ALK: variants seen among roughly 807,000 people sequenced by gnomAD.
ALK encodes the protein ALK tyrosine kinase receptor.
In ALK, 74 loss-of-function variants were observed where a neutral mutation model predicts 163.1. The observed-to-expected ratio is 0.45, with a 90% CI of 0.38 to 0.55. The LOEUF is 0.55. ALK is among the 20% of genes least tolerant of loss of function. The pLI is 0.00. For missense variants in ALK, 2,063 were observed against 2,105.3 expected (o/e 0.98, Z 0.39); for synonymous variants, 960 against 843.2 (o/e 1.14, Z -2.40).
Position 29,560,693 on chromosome 2 carries a change from C to G in ALK, c.953-28577G>C, listed in dbSNP as rs113204175. ...TTCAAACTATCCTCCCACCTCAGCC[C>G]GTTGAGTAGCTGGGACTACAGGTGT... On this transcript the variant is annotated intron_variant, in intron 3 of 28. Coordinates refer to ENST00000389048, the MANE Select transcript of ALK (RefSeq NM_004304.5). Among the ~76,000 whole-genome samples, 1,410 of 151,996 alleles carry G rather than the reference C, an allele frequency of 9.3e-3. 21 individuals are homozygous for G. Among genetic ancestry groups the G allele is most frequent in the African/African-American group, 0.032 (1,331 of 41,484 alleles).
chr2:29,621,810 C>T (rs1001300366), intron 3 of ALK, among the ~76,000 whole-genome samples: 3 of 152,128 alleles, frequency 2.0e-5, no homozygotes, highest in African/African-American at 7.2e-5. Context: ...TAACCAATCG[C>T]CAGCATCATT....
intron 4 of ALK, among the ~76,000 whole-genome samples, chr2:29,525,299 A>G (rs182641459): frequency 1.0e-3 from 155 of 152,314 alleles, no homozygotes; most frequent in African/African-American, 3.5e-3. Flanking sequence ...CAAGTCTTTA[A>G]GCTTTCTTTT....
rs1466757284 is a variant in ALK at position 29,787,085 on chromosome 2, A to G, written c.668-69388T>C. Among the ~76,000 whole-genome samples the G allele has an allele frequency of 5.3e-5, 8 of 151,968 alleles. No individual in the cohort carries two copies. In the South Asian group the frequency reaches 1.2e-3, roughly 24 times the overall value. Reference sequence around the variant, plus strand: ...GCTGGGATTACAGGCATGAGCCACCATGCCCGGCCTTCCCTGGGAGTTTTT... The same window carrying G: ...GCTGGGATTACAGGCATGAGCCACCGTGCCCGGCCTTCCCTGGGAGTTTTT... On this transcript the variant is annotated intron_variant, in intron 1 of 28. Transcript: ENST00000389048.
intron 5 of ALK, among the ~76,000 whole-genome samples, chr2:29,376,087 C>G (rs1384949436): frequency 6.6e-6 from 1 of 151,980 alleles, no homozygotes; most frequent in Non-Finnish European, 1.5e-5. Flanking sequence ...CCAAGATAAC[C>G]TCTCCTCCGT....
At chr2:29,236,648 C>G (rs961109370) in intron 13 of ALK, among the ~76,000 whole-genome samples, 4 of 152,130 alleles carry the variant, frequency 2.6e-5, no homozygotes, top group Non-Finnish European at 4.4e-5. Context: ...AGCTGCCGCC[C>G]TTTCCTCACA....
At chr2:29,460,993 CAAAT>C (rs1251785326) in intron 4 of ALK, among the ~76,000 whole-genome samples, 1 of 152,118 alleles carries the variant, frequency 6.6e-6, no homozygotes, top group African/African-American at 2.4e-5. Context: ...AGGGAGCACA[CAAAT>C]GATAAGAAAA....
rs146048663 is a variant in ALK at position 29,898,482 on chromosome 2, G to C, written c.667+21511C>G. 2.4e-4 allele frequency among the ~76,000 whole-genome samples: 36 copies of C among 152,330 alleles called. No individual in the cohort carries two copies. In the East Asian group the frequency reaches 6.4e-3, roughly 27 times the overall value. On this transcript the variant is annotated intron_variant, in intron 1 of 28. Transcript: ENST00000389048. Reference sequence around the variant, plus strand: ...AAAAAGCTGATAAAAAACAATCATGGCTGTAATGGTGCCTTTTAAGGATAA... The same window carrying C: ...AAAAAGCTGATAAAAAACAATCATGCCTGTAATGGTGCCTTTTAAGGATAA...
rs116984576 is a variant in ALK, at chr2:29,509,945, G to T, written c.1154+21970C>A. On this transcript the variant is annotated intron_variant, in intron 4 of 28. Coordinates refer to ENST00000389048, the MANE Select transcript of ALK (RefSeq NM_004304.5). ...GTTCAGGTTTGGGACTTGGCACTTT[G>T]TAAGAAGAAGAATGACCACCCAGTG... is the stretch of plus-strand genomic sequence containing the variant. 1.7e-4 allele frequency among the ~76,000 whole-genome samples: 26 copies of T among 152,284 alleles called. 1 individual carries two copies. The East Asian group carries it at 4.2e-3, about 25-fold the overall frequency.
intron 8 of ALK, among the ~76,000 whole-genome samples, chr2:29,314,440 C>T (rs982007370): frequency 1.3e-5 from 2 of 151,986 alleles, no homozygotes; most frequent in East Asian, 1.9e-4. Flanking sequence ...TGGAAAGGTT[C>T]GGCTGTGTCC....
At chr2:29,678,815 A>T (rs1163022617) in intron 3 of ALK, among the ~76,000 whole-genome samples, 1 of 151,762 alleles carries the variant, frequency 6.6e-6, no homozygotes, top group Non-Finnish European at 1.5e-5. Context: ...TATGGTCTAT[A>T]TTGAAGAATG....
chr2:29,630,283 C>A (rs1275032551), intron 3 of ALK, among the ~76,000 whole-genome samples: 1 of 152,016 alleles, frequency 6.6e-6, no homozygotes, highest in Non-Finnish European at 1.5e-5. Context: ...CTCCTCCTTG[C>A]AAAGAAAGAG....
intron 3 of ALK, among the ~76,000 whole-genome samples, chr2:29,650,179 A>G (rs1277419472): frequency 6.6e-6 from 1 of 152,162 alleles, no homozygotes; most frequent in Non-Finnish European, 1.5e-5. Flanking sequence ...TCTCTAATGA[A>G]ACATATCAAG....
chr2:29,444,098 C>T (rs1445015489), intron 4 of ALK, among the ~76,000 whole-genome samples: 1 of 152,158 alleles, frequency 6.6e-6, no homozygotes, highest in Non-Finnish European at 1.5e-5. Context: ...TAGAGAGCAA[C>T]GTGATTGCCA....
At chr2:29,646,230 T>C (rs539246456) in intron 3 of ALK, among the ~76,000 whole-genome samples, 2 of 152,296 alleles carry the variant, frequency 1.3e-5, no homozygotes, top group Non-Finnish European at 2.9e-5. Flanking sequence ...GCCAAAACCA[T>C]TGAAGTCACT....
At chr2:29,522,967 C>T (rs1036122950) in intron 4 of ALK, among the ~76,000 whole-genome samples, 1 of 152,118 alleles carries the variant, frequency 6.6e-6, no homozygotes, top group South Asian at 2.1e-4. Flanking sequence ...ACATTTGCTA[C>T]AAGAAGAGGT....
At chr2:29,734,113 C>T (rs1206912887) in intron 1 of ALK, among the ~76,000 whole-genome samples, 1 of 152,084 alleles carries the variant, frequency 6.6e-6, no homozygotes, top group African/African-American at 2.4e-5. Context: ...GAACAAGCAG[C>T]GGGAAAGGGC....
rs946661913 is a variant in ALK, at chr2:29,422,531, T to C, written c.1155-38672A>G. Among the ~76,000 whole-genome samples, 8 of 152,236 alleles carry C rather than the reference T, an allele frequency of 5.3e-5. 2 individuals carry two copies. Among genetic ancestry groups the C allele is most frequent in the African/African-American group, 1.2e-4 (5 of 41,466 alleles). On this transcript the variant is annotated intron_variant, in intron 4 of 28. Coordinates refer to ENST00000389048, the MANE Select transcript of ALK (RefSeq NM_004304.5). ...ACAATGAGGAGTGCCTTGGCCTTAG[T>C]ACATTGGGTGCTTCCTGAGGTGCTA...
At chr2:29,487,116 T>C (rs1212815157) in intron 4 of ALK, among the ~76,000 whole-genome samples, 1 of 152,194 alleles carries the variant, frequency 6.6e-6, no homozygotes, top group Non-Finnish European at 1.5e-5. Flanking sequence ...GAAAGTAGAA[T>C]TAATTAACAA....
At chr2:29,456,598 A>G (rs1670961303) in intron 4 of ALK, among the ~76,000 whole-genome samples, 1 of 152,182 alleles carries the variant, frequency 6.6e-6, no homozygotes, top group Admixed American at 6.5e-5. Flanking sequence ...ACAGAATTAC[A>G]GTTTTCAAGA....
Sources: gnomAD v4.1 joint callset for allele counts (sites outside exome capture counted in the v4.1 genomes callset) on GRCh38, gnomAD v4.1.1 for gene constraint, MANE v1.5 for transcripts, NCBI Gene and HGNC (gene_info 2026-07-23, HGNC 2026-07-21) for gene names.